Variants in MAGI2 observed in about 807,000 individuals in gnomAD.
MAGI2 encodes membrane associated guanylate kinase, WW and PDZ domain containing 2, also known as membrane-associated guanylate kinase, WW and PDZ domain-containing protein 2.
Under a neutral mutation model 133.3 loss-of-function variants are expected in MAGI2, and 35 were observed. The observed-to-expected ratio is 0.26, with a 90% confidence interval of 0.20 to 0.35. The LOEUF (loss-of-function observed/expected upper bound fraction) is 0.35. Among genes scored for constraint, MAGI2 ranks in the 10% least tolerant of loss-of-function variants. The probability of loss-of-function intolerance (pLI) is 1.00; values close to 1 mark genes in which losing one functional copy is unlikely to be tolerated. For synonymous variants in MAGI2, 729 were observed against 710.6 expected (o/e 1.03, Z -0.41); for missense variants, 1,636 against 1,863.4 (o/e 0.88, Z 2.25).
chr7:78,932,870 C>T (rs1245644152), intron 2 of MAGI2, among the ~76,000 whole-genome samples: 1 of 151,396 alleles, frequency 6.6e-6, no homozygotes, highest in Non-Finnish European at 1.5e-5. Flanking sequence ...ATGTTATTGA[C>T]CAGGAAAGAC....
intron 6 of MAGI2, among the ~76,000 whole-genome samples, chr7:78,483,224 GA>G (rs1004779305): frequency 6.6e-6 from 1 of 151,676 alleles, no homozygotes; most frequent in Non-Finnish European, 1.5e-5. Flanking sequence ...AGCCATATTT[GA>G]AAAATTTTGA....
intron 1 of MAGI2, among the ~76,000 whole-genome samples, chr7:79,291,679 C>G (rs1836498650): frequency 6.6e-6 from 1 of 152,122 alleles, no homozygotes; most frequent in Non-Finnish European, 1.5e-5. Flanking sequence ...TATTGAGCAC[C>G]TTTTCACATG....
chr7:78,083,535 T>C (rs148063175), intron 20 of MAGI2, among the ~76,000 whole-genome samples: 240 of 152,200 alleles, frequency 1.6e-3, no homozygotes, highest in African/African-American at 5.4e-3. Flanking sequence ...AGGAAACTGA[T>C]CAAAGGACTT....
intron 2 of MAGI2, among the ~76,000 whole-genome samples, chr7:78,754,520 A>T (rs57971918): frequency 0.041 from 6,302 of 152,272 alleles, 434 homozygotes; most frequent in African/African-American, 0.14. Context: ...CATTAAGTTA[A>T]AATGATTTTG....
intron 9 of MAGI2, among the ~76,000 whole-genome samples, chr7:78,289,179 G>T (rs920644351): frequency 6.6e-6 from 1 of 152,020 alleles, no homozygotes. Flanking sequence ...GAGGATGTTC[G>T]AACCCATCGC....
At chr7:78,834,678 G>C (rs1192812584) in intron 2 of MAGI2, among the ~76,000 whole-genome samples, 3 of 152,080 alleles carry the variant, frequency 2.0e-5, no homozygotes, top group Non-Finnish European at 4.4e-5. Context: ...GCTTTTGTTT[G>C]TCTTAGATAT....
chr7:78,057,985 A>T (rs375871450), intron 21 of MAGI2, among the ~76,000 whole-genome samples: 6,897 of 42,546 alleles, frequency 0.16, 780 homozygotes, highest in East Asian at 0.44. Flanking sequence ...GTGTATATAT[A>T]TATATATATA....
intron 9 of MAGI2, among the ~76,000 whole-genome samples, chr7:78,300,974 G>A (rs1333670868): frequency 6.6e-6 from 1 of 152,152 alleles, no homozygotes; most frequent in African/African-American, 2.4e-5. Context: ...TAAGCACTTT[G>A]TATTAATTGT....
intron 9 of MAGI2, among the ~76,000 whole-genome samples, chr7:78,307,246 T>G (rs1798318157): frequency 6.6e-6 from 1 of 152,182 alleles, no homozygotes; most frequent in Non-Finnish European, 1.5e-5. Flanking sequence ...ATATTTTCAC[T>G]CCTATTACTG....
intron 3 of MAGI2, among the ~76,000 whole-genome samples, chr7:78,530,718 T>A (rs1797391587): frequency 1.3e-5 from 2 of 151,912 alleles, no homozygotes; most frequent in Non-Finnish European, 2.9e-5. Flanking sequence ...CACCTCATGC[T>A]CATAACAATT....
chr7:78,500,256 T>A (rs1204120134), intron 5 of MAGI2, among the ~76,000 whole-genome samples: 1 of 152,212 alleles, frequency 6.6e-6, no homozygotes, highest in Non-Finnish European at 1.5e-5. Context: ...CCTATAGAGA[T>A]CTAAGTTATA....
At chr7:79,403,640 C>G (rs1845614723) in intron 1 of MAGI2, among the ~76,000 whole-genome samples, 1 of 152,100 alleles carries the variant, frequency 6.6e-6, no homozygotes, top group Non-Finnish European at 1.5e-5. Context: ...ACATCCTGCA[C>G]TATGCCTGCC....
chr7:79,060,526 C>G (rs926170744), intron 1 of MAGI2, among the ~76,000 whole-genome samples: 7 of 151,888 alleles, frequency 4.6e-5, no homozygotes, highest in African/African-American at 1.7e-4. Context: ...AAATAGAATG[C>G]AGATGATTTT....
chr7:78,880,133 A>G (rs1795735935), intron 2 of MAGI2, among the ~76,000 whole-genome samples: 1 of 106,238 alleles, frequency 9.4e-6, no homozygotes, highest in South Asian at 2.4e-4. Flanking sequence ...AAAAGTAAAC[A>G]ATCCAAAAAA....
intron 6 of MAGI2, among the ~76,000 whole-genome samples, chr7:78,410,562 A>G (rs1020835081): frequency 1.3e-5 from 2 of 152,092 alleles, no homozygotes; most frequent in African/African-American, 4.8e-5. Context: ...ATACTCTTCC[A>G]TTTGATTTCC....
intron 2 of MAGI2, among the ~76,000 whole-genome samples, chr7:79,001,718 T>TC (rs1203582727): frequency 2.0e-5 from 3 of 152,342 alleles, no homozygotes; most frequent in African/African-American, 7.2e-5. Context: ...TGCAAATTAA[T>TC]CCAATATTCT....
chr7:78,299,026 A>ACAGAGAAACT (rs77121502), intron 9 of MAGI2, among the ~76,000 whole-genome samples: 7,290 of 151,990 alleles, frequency 0.048, 242 homozygotes, highest in South Asian at 0.12. Context: ...TGTGTTGGTC[A>ACAGAGAAACT]GGCTGGTCTT....
rs139789551 is a variant in MAGI2 at position 79,251,677 on chromosome 7, G to A, written c.301+201343C>T. The stretch of plus-strand genomic sequence containing the variant: ...CAATCACTATAGAGAATAGTTTGGA[G>A]GTTCATCAAAAAACTAAAAATAGAA... On this transcript the variant is annotated intron_variant, in intron 1 of 21. Transcript: ENST00000354212. Among the ~76,000 whole-genome samples the A allele has an allele frequency of 6.4e-3, 971 of 152,222 alleles. 8 individuals carry two copies. The highest frequency in any genetic ancestry group is 0.021 in the African/African-American group (868 of 41,546).
At chr7:79,133,403 A>T (rs2129545489) in intron 1 of MAGI2, among the ~76,000 whole-genome samples, 1 of 152,270 alleles carries the variant, frequency 6.6e-6, no homozygotes, top group East Asian at 1.9e-4. Flanking sequence ...CTTATTAAAT[A>T]GTGTGTCCTT....
Sources: gnomAD v4.1 joint callset for allele counts (sites outside exome capture counted in the v4.1 genomes callset) on GRCh38, gnomAD v4.1.1 for gene constraint, MANE v1.5 for transcripts, NCBI Gene and HGNC (gene_info 2026-07-23, HGNC 2026-07-21) for gene names.